CHRNB1: variants seen among roughly 807,000 people sequenced by gnomAD.
CHRNB1 encodes the protein acetylcholine receptor subunit beta.
CHRNB1 carries 47 observed loss-of-function variants against 53.8 expected under a neutral mutation model. The ratio of observed to expected loss-of-function variants is 0.87; its 90% CI spans 0.69 to 1.11. The LOEUF is 1.11. Ranked by LOEUF, CHRNB1 falls within the 50% of genes most tolerant of loss-of-function variation. CHRNB1 has a pLI of 0.00. For missense variants in CHRNB1, 605 were observed against 654.9 expected, an observed-to-expected ratio of 0.92 and a Z score of 0.83; for synonymous variants, 259 against 263.5, an observed-to-expected ratio of 0.98 and a Z score of 0.16.
rs2069938389 is a variant in CHRNB1, at chr17:7,455,366, GTTC to G, written c.1132_1134del (p.Ser378del). On this transcript the variant is annotated inframe_deletion, in exon 9 of 11. Coordinates refer to ENST00000306071, the MANE Select transcript of CHRNB1 (RefSeq NM_000747.3). ...GACCTGATGCCGGAGCCCCCTCACT[GTTC>G]TTCTCCAGGAAGTGGCTGGGGTCGG... is the stretch of plus-strand genomic sequence containing the variant. 1 of 1,614,052 alleles carries G rather than the reference GTTC, an allele frequency of 6.2e-7. No homozygotes were observed. The highest frequency in any genetic ancestry group is 8.5e-7 in the Non-Finnish European group (1 of 1,180,042).
rs973602238 is a variant in CHRNB1 at position 7,457,116 on chromosome 17, G to C, written c.*393G>C. ...GCGGATCACCTGAGGTCGGGAGTTT[G>C]AGACCAGCCCGACCAACATGGAGAA... On this transcript the variant is annotated 3_prime_UTR_variant, in exon 11 of 11. Transcript: ENST00000306071. 2.5e-5 allele frequency: 6 copies of C among 243,826 alleles called. No individual in the cohort carries two copies. The highest frequency in any genetic ancestry group is 5.1e-5 in the Admixed American group (1 of 19,654). 15.1% of individuals were successfully genotyped at this position (243,826 alleles called of 1,614,324 possible). A position where few individuals can be genotyped will look rare whatever the true frequency, so the allele number is the denominator to read the frequency against.
At chr17:7,446,620 A>G (rs1908642239) in intron 3 of CHRNB1, 4 of 595,504 alleles carry the variant, frequency 6.7e-6, no homozygotes, top group East Asian at 5.6e-5. Context: ...TTTACAGAGT[A>G]AAATATTGAA....
intron 7 of CHRNB1, among the ~76,000 whole-genome samples, chr17:7,451,139 C>A (rs1222852319): frequency 1.3e-5 from 2 of 152,250 alleles, no homozygotes; most frequent in South Asian, 2.1e-4. Flanking sequence ...AGGCCCAGAA[C>A]CACTGATGCT....
At chr17:7,454,000 T>C (rs1908980630) in intron 7 of CHRNB1, among the ~76,000 whole-genome samples, 1 of 152,066 alleles carries the variant, frequency 6.6e-6, no homozygotes, top group Admixed American at 6.5e-5. Context: ...AGTGGAGGTT[T>C]CAATGAGCCA....
In CHRNB1 at chr17:7,455,961, A is replaced by T. The variant is rs751347324; in HGVS notation, c.1365+20A>T. 3 of 1,613,700 alleles carry T rather than the reference A, an allele frequency of 1.9e-6. No individual in the cohort carries two copies. In the East Asian group the frequency reaches 6.7e-5, roughly 36 times the overall value. On this transcript the variant is annotated intron_variant, in intron 10 of 10. Transcript: ENST00000306071. The stretch of plus-strand genomic sequence containing the variant: ...GATGCGGTATGTCCAACGGGGGTGG[A>T]ACAAGGCCAGGTCTAGGCGACCTTG...
At chr17:7,451,562 T>G (rs1303190932) in intron 7 of CHRNB1, among the ~76,000 whole-genome samples, 1 of 151,968 alleles carries the variant, frequency 6.6e-6, no homozygotes, top group Non-Finnish European at 1.5e-5. Context: ...ATTACAGGTG[T>G]AAGCCACCCC....
At chr17:7,447,238 C>T (rs1908678076) in intron 5 of CHRNB1, 87 bp downstream of exon 5, 2 of 1,118,024 alleles carry the variant, frequency 1.8e-6, no homozygotes, top group Non-Finnish European at 2.7e-6. Flanking sequence ...GACTCCCATC[C>T]TTCATCCTTC....
In CHRNB1 at chr17:7,446,936, T is replaced by G. The variant is rs1460616970; in HGVS notation, c.347T>G (p.Leu116Arg). The G allele has an allele frequency of 1.9e-6, 3 of 1,613,192 alleles. No homozygotes were observed. The highest frequency in any genetic ancestry group is 2.5e-6 in the Non-Finnish European group (3 of 1,179,714). ...ESVWLPDVVL[L>R]NNNDGNFDVA... ...GTGTGGCTCCCTGACGTGGTGCTAC[T>G]GAACAAGTAGGAGAACTTCCAAAGC... Residue 116 changes from leucine (L) to arginine (R), a missense_variant, in exon 4 of 11, where the codon CTG becomes CGG. Coordinates refer to ENST00000306071, the MANE Select transcript of CHRNB1 (RefSeq NM_000747.3).
chr17:7,445,302 C>A lies in CHRNB1; in HGVS notation c.91C>A (p.Arg31=). Residue 31 remains arginine, a synonymous_variant, in exon 2 of 11, where the codon CGG becomes AGG. Coordinates refer to ENST00000306071, the MANE Select transcript of CHRNB1 (RefSeq NM_000747.3). The surrounding 1 kb of genome is among the most constrained non-coding windows in gnomAD (Gnocchi z 5.7). Reference sequence around the variant, plus strand: ...CGGCTCGGAGGCGGAGGGTCGACTCCGGGAGAAACTTTTCTCTGGCTATGA... The same window carrying A: ...CGGCTCGGAGGCGGAGGGTCGACTCAGGGAGAAACTTTTCTCTGGCTATGA... ...VRGSEAEGRL[R]EKLFSGYDSS... 1 of 1,612,858 alleles carries A rather than the reference C, an allele frequency of 6.2e-7. No homozygotes were observed.
intron 7 of CHRNB1, among the ~76,000 whole-genome samples, chr17:7,451,634 A>G (rs1174567696): frequency 1.3e-5 from 2 of 151,936 alleles, no homozygotes; most frequent in African/African-American, 4.8e-5. Context: ...GGAAGGCCAC[A>G]TGCACAGCTC....
chr17:7,446,401 G>A, intron 3 of CHRNB1: 3 of 548,914 alleles, frequency 5.5e-6, no homozygotes, highest in Non-Finnish European at 3.3e-6. Context: ...TGCACAGGCT[G>A]TTCTTGAATG....
chr17:7,447,096 A>C lies in CHRNB1; in HGVS notation c.407A>C (p.Asp136Ala). The C allele has an allele frequency of 6.2e-7, 1 of 1,614,036 alleles. No homozygotes were observed. Among genetic ancestry groups the C allele is most frequent in the Admixed American group, 1.7e-5 (1 of 60,006 alleles). ...GACATTAGCGTCGTGGTGTCCTCCG[A>C]CGGCTCCGTGCGTTGGCAACCCCCG... The part of the protein sequence containing the change: ...ALDISVVVSS[D>A]GSVRWQPPGI... Residue 136 changes from aspartate (D) to alanine (A), a missense_variant, in exon 5 of 11, where the codon GAC becomes GCC. By Grantham distance (126) the Asp-to-Ala change is moderately radical (BLOSUM62 -2). Transcript: ENST00000306071.
chr17:7,445,218 G>A lies in CHRNB1; in HGVS notation c.58+33G>A, dbSNP rs763975239. 10 of 1,611,536 alleles carry A rather than the reference G, an allele frequency of 6.2e-6. No individual in the cohort carries two copies. In the Admixed American group the frequency reaches 1.0e-4, roughly 16 times the overall value. ...TAGGCCCCGAAGGGGCAGTGACGGG[G>A]CCAGCGGTCGTGGCCAGGCACCAGG... On this transcript the variant is annotated intron_variant, in intron 1 of 10. Transcript: ENST00000306071. The surrounding 1 kb of genome is among the most constrained non-coding windows in gnomAD (Gnocchi z 5.7).
chr17:7,452,463 C>T (rs529263324), intron 7 of CHRNB1, among the ~76,000 whole-genome samples: 1 of 152,298 alleles, frequency 6.6e-6, no homozygotes, highest in East Asian at 1.9e-4. Flanking sequence ...TACAATAATT[C>T]AGACCTAAGG....
At chr17:7,455,216 G>T in intron 8 of CHRNB1, 68 bp from the exon 9 acceptor site, 1 of 1,572,502 alleles carries the variant, frequency 6.4e-7, no homozygotes, top group South Asian at 1.1e-5. Flanking sequence ...GGAGTGGGGT[G>T]GTTGGCTGTT....
At chr17:7,448,487 T>C in intron 6 of CHRNB1, 92 bp from the exon 7 acceptor site, 1 of 1,229,316 alleles carries the variant, frequency 8.1e-7, no homozygotes, top group Non-Finnish European at 1.2e-6. Context: ...AAGTCAGCCC[T>C]CTCAGGTCTA....
intron 10 of CHRNB1, among the ~76,000 whole-genome samples, 162 bp from the exon 11 acceptor site, chr17:7,456,421 A>T (rs968776139): frequency 6.6e-6 from 1 of 151,768 alleles, no homozygotes; most frequent in Non-Finnish European, 1.5e-5. Flanking sequence ...CTGGTTCTTT[A>T]TGCCCATGCA....
At chr17:7,450,107 G>C (rs950869232) in intron 7 of CHRNB1, among the ~76,000 whole-genome samples, 1 of 150,056 alleles carries the variant, frequency 6.7e-6, no homozygotes, top group Non-Finnish European at 1.5e-5. Context: ...ATATCTTTAG[G>C]AGGCAGCAAA....
intron 3 of CHRNB1, chr17:7,446,372 T>TGTGTGA (rs1567676896): frequency 7.1e-6 from 4 of 562,800 alleles, no homozygotes; most frequent in South Asian, 6.0e-5. Context: ...TGTGTGTGTG[T>TGTGTGA]GATGCGGTCT....
Sources: allele counts gnomAD v4.1 joint callset (sites outside exome capture counted in the v4.1 genomes callset), GRCh38; gene constraint gnomAD v4.1.1; non-coding constraint Gnocchi (gnomAD v3.1); transcripts MANE v1.5; gene names NCBI Gene and HGNC (gene_info 2026-07-23, HGNC 2026-07-21).